Variants in PTPRG observed in about 807,000 individuals in gnomAD.
PTPRG encodes protein tyrosine phosphatase receptor type G.
Under a neutral mutation model 165.3 loss-of-function variants are expected in PTPRG, and 102 were observed. That is an observed-to-expected ratio of 0.62 (90% CI 0.53 to 0.73). The LOEUF is 0.73. Among genes scored for constraint, PTPRG ranks in the 30% least tolerant of loss-of-function variants. The pLI, the probability that PTPRG is intolerant of heterozygous loss-of-function variation, is 0.00. For missense variants in PTPRG, 1,866 were observed against 1,861.4 expected (o/e 1.00, Z -0.05); for synonymous variants, 675 against 669.5 (o/e 1.01, Z -0.13).
intron 2 of PTPRG, among the ~76,000 whole-genome samples, chr3:61,803,910 A>G (rs1249028937): frequency 6.6e-6 from 1 of 152,182 alleles, no homozygotes; most frequent in African/African-American, 2.4e-5. Context: ...AAAATTTACC[A>G]TGGCAAGATC....
chr3:62,136,493 G>A (rs975153197), intron 6 of PTPRG, among the ~76,000 whole-genome samples: 1 of 152,290 alleles, frequency 6.6e-6, no homozygotes, highest in East Asian at 1.9e-4. Context: ...TGGATGACCA[G>A]CTCAGTGGTT....
chr3:61,932,023 T>A (rs6792266), intron 2 of PTPRG, among the ~76,000 whole-genome samples: 4 of 152,094 alleles, frequency 2.6e-5, no homozygotes, highest in African/African-American at 9.7e-5. Context: ...TCATTTTTTA[T>A]TTTTTTACTA....
chr3:61,951,188 C>T (rs2039891338), intron 2 of PTPRG, among the ~76,000 whole-genome samples: 1 of 152,190 alleles, frequency 6.6e-6, no homozygotes, highest in Admixed American at 6.5e-5. Context: ...AAGTAATCTC[C>T]CTTCCCAGTT....
chr3:62,288,239 G>T (rs1319861483), intron 28 of PTPRG, among the ~76,000 whole-genome samples: 4 of 150,212 alleles, frequency 2.7e-5, no homozygotes, highest in Non-Finnish European at 5.9e-5. Context: ...AAGCACCAGA[G>T]AAATCAACAA....
At chr3:61,995,088 T>C (rs1165113213) in intron 3 of PTPRG, among the ~76,000 whole-genome samples, 58 of 41,012 alleles carry the variant, frequency 1.4e-3, no homozygotes, top group Admixed American at 4.2e-3. Flanking sequence ...TTCTTTCTTT[T>C]TTTTTTTTTT....
chr3:62,185,228 A>G (rs758308503), intron 8 of PTPRG, among the ~76,000 whole-genome samples: 16 of 152,288 alleles, frequency 1.1e-4, no homozygotes, highest in East Asian at 1.9e-4. Context: ...GTGAGAAGCA[A>G]TCGGACCCCA....
intron 28 of PTPRG, among the ~76,000 whole-genome samples, chr3:62,291,799 T>C (rs1038377897): frequency 5.3e-5 from 8 of 152,158 alleles, no homozygotes; most frequent in Non-Finnish European, 1.2e-4. Flanking sequence ...CCTGGCCTGA[T>C]GGAAATTTAC....
At chr3:61,842,336 C>G (rs1342249131) in intron 2 of PTPRG, among the ~76,000 whole-genome samples, 1 of 152,180 alleles carries the variant, frequency 6.6e-6, no homozygotes, top group African/African-American at 2.4e-5. Flanking sequence ...ACACTACACA[C>G]AAACACATTT....
At chr3:61,606,824 A>G (rs1475433298) in intron 1 of PTPRG, among the ~76,000 whole-genome samples, 3 of 152,206 alleles carry the variant, frequency 2.0e-5, no homozygotes, top group Middle Eastern at 3.4e-3. Flanking sequence ...GGGCCTCATC[A>G]CCTCTTAAGG....
At chr3:61,840,714 A>T (rs2107327129) in intron 2 of PTPRG, among the ~76,000 whole-genome samples, 1 of 152,094 alleles carries the variant, frequency 6.6e-6, no homozygotes, top group South Asian at 2.1e-4. Context: ...ATGTGGAGAC[A>T]AACAATGCAC....
chr3:61,753,964 G>A (rs1395814836), intron 2 of PTPRG, among the ~76,000 whole-genome samples: 1 of 152,088 alleles, frequency 6.6e-6, no homozygotes, highest in African/African-American at 2.4e-5. Flanking sequence ...ACAGGTGGTA[G>A]TTTCTTCCCT....
intron 2 of PTPRG, among the ~76,000 whole-genome samples, chr3:61,832,690 A>T (rs74640439): frequency 0.019 from 2,869 of 151,918 alleles, 39 homozygotes; most frequent in African/African-American, 0.044. Context: ...TTACTTTTTT[A>T]AAAAAAATAT....
intron 2 of PTPRG, among the ~76,000 whole-genome samples, chr3:61,917,123 C>T (rs573270115): frequency 2.6e-5 from 4 of 152,096 alleles, no homozygotes; most frequent in Non-Finnish European, 5.9e-5. Flanking sequence ...ATGCTTTTTG[C>T]GTCCCCTGCA....
intron 2 of PTPRG, among the ~76,000 whole-genome samples, chr3:61,945,690 C>T (rs2039743028): frequency 6.6e-6 from 1 of 151,436 alleles, no homozygotes; most frequent in Non-Finnish European, 1.5e-5. Flanking sequence ...TAATAGCAGG[C>T]TGCAAACATA....
intron 5 of PTPRG, among the ~76,000 whole-genome samples, chr3:62,080,751 A>C (rs1477237051): frequency 6.6e-6 from 1 of 152,214 alleles, no homozygotes; most frequent in Non-Finnish European, 1.5e-5. Context: ...TATAAGACCA[A>C]TTAGAATTTT....
intron 8 of PTPRG, among the ~76,000 whole-genome samples, chr3:62,169,441 G>A (rs1324278227): frequency 6.6e-6 from 1 of 151,958 alleles, no homozygotes; most frequent in African/African-American, 2.4e-5. Flanking sequence ...ATAAACATAA[G>A]TTTATCATTT....
At chr3:61,874,248 G>T (rs1209746739) in intron 2 of PTPRG, among the ~76,000 whole-genome samples, 1 of 152,108 alleles carries the variant, frequency 6.6e-6, no homozygotes, top group African/African-American at 2.4e-5. Context: ...AGACTTTAGG[G>T]TGGCCTAAAA....
intron 1 of PTPRG, among the ~76,000 whole-genome samples, chr3:61,704,019 A>ATT (rs2031118603): frequency 1.3e-5 from 2 of 152,170 alleles, no homozygotes; most frequent in Admixed American, 1.3e-4. Flanking sequence ...GAGGGTAGAG[A>ATT]GGTAAACAAG....
At chr3:62,037,599 C>G (rs1699987860) in intron 4 of PTPRG, among the ~76,000 whole-genome samples, 1 of 152,190 alleles carries the variant, frequency 6.6e-6, no homozygotes, top group Non-Finnish European at 1.5e-5. Context: ...CAAAATCCAA[C>G]TCTTCATCAA....
Sources: gnomAD v4.1 joint callset for allele counts (sites outside exome capture counted in the v4.1 genomes callset) on GRCh38, gnomAD v4.1.1 for gene constraint, MANE v1.5 for transcripts, NCBI Gene and HGNC (gene_info 2026-07-23, HGNC 2026-07-21) for gene names.